Variants in PHF20 observed in about 807,000 individuals in gnomAD.
PHF20 encodes glioma-expressed antigen 2.
A neutral mutation model predicts 113.5 loss-of-function variants in PHF20; 23 were observed. That is an observed-to-expected ratio of 0.20 (90% CI 0.15 to 0.29). The LOEUF is 0.29. Among genes scored for constraint, PHF20 ranks in the 10% least tolerant of loss-of-function variants. PHF20 has a pLI of 1.00. For missense variants in PHF20, 943 were observed against 1,219.6 expected, an observed-to-expected ratio of 0.77 and a Z score of 3.38; for synonymous variants, 434 against 457.3, an observed-to-expected ratio of 0.95 and a Z score of 0.65.
chr20:35,913,737 C>G (rs1248187558), intron 11 of PHF20, among the ~76,000 whole-genome samples: 1 of 152,196 alleles, frequency 6.6e-6, no homozygotes, highest in Non-Finnish European at 1.5e-5. Context: ...CTAGCCCTCA[C>G]AAAAATGTTT....
At chr20:35,900,199 A>G (rs537208045) in intron 10 of PHF20, among the ~76,000 whole-genome samples, 1 of 152,358 alleles carries the variant, frequency 6.6e-6, no homozygotes, top group African/African-American at 2.4e-5. Flanking sequence ...ACCTTTTAGG[A>G]AATATCTTCT....
intron 6 of PHF20, 80 bp downstream of exon 6, chr20:35,863,480 G>A: frequency 7.4e-7 from 1 of 1,345,548 alleles, no homozygotes; most frequent in Non-Finnish European, 1.0e-6. Flanking sequence ...TGTAACTTGT[G>A]TACGTCAATC....
chr20:35,885,572 C>T (rs1161829155), intron 9 of PHF20, among the ~76,000 whole-genome samples: 2 of 144,738 alleles, frequency 1.4e-5, no homozygotes, highest in African/African-American at 5.2e-5. Context: ...TATGATATCC[C>T]TCAATTTGGG....
At chr20:35,822,732 G>A (rs2042191360) in intron 2 of PHF20, among the ~76,000 whole-genome samples, 1 of 151,358 alleles carries the variant, frequency 6.6e-6, no homozygotes, top group African/African-American at 2.4e-5. Flanking sequence ...TAGCTACTTG[G>A]GAGGCTGAGG....
At position 35,947,792 on chromosome 20, in the gene PHF20, G is replaced by A; in HGVS notation, c.*165G>A. On this transcript the variant is annotated 3_prime_UTR_variant, in exon 18 of 18. Coordinates refer to ENST00000374012, the MANE Select transcript of PHF20 (RefSeq NM_016436.5). ...GACATTGGACAAAGAGGCCATTTTG[G>A]CTGCGGGAGGACACTCTGATCTCGA... The A allele has an allele frequency of 1.5e-6, 1 of 659,096 alleles. No individual in the cohort carries two copies. Among genetic ancestry groups the A allele is most frequent in the Non-Finnish European group, 2.5e-6 (1 of 394,560 alleles). 40.8% of individuals were successfully genotyped at this position (659,096 alleles called of 1,614,324 possible).
chr20:35,794,135 T>C (rs2041620015), intron 1 of PHF20, among the ~76,000 whole-genome samples: 1 of 151,766 alleles, frequency 6.6e-6, no homozygotes, highest in African/African-American at 2.4e-5. Context: ...ACCCCTTCTC[T>C]GCTAAAAATA....
chr20:35,804,665 C>T (rs2035280625), intron 2 of PHF20, among the ~76,000 whole-genome samples: 1 of 152,030 alleles, frequency 6.6e-6, no homozygotes, highest in Non-Finnish European at 1.5e-5. Context: ...AGCCACCGCT[C>T]CTGGCCCGTT....
chr20:35,772,077 G>C lies in PHF20; in HGVS notation c.-35G>C, dbSNP rs1279251634. On this transcript the variant is annotated splice_region_variant and 5_prime_UTR_variant, in exon 1 of 18. Transcript: ENST00000374012. ...AGCGGCGCAGCCGGAGTGGGGCCGT[G>C]AGGTGAGCTCGCGGCCAGGCGAAGC... 6.6e-6 allele frequency: 1 copy of C among 151,330 alleles called. No individual in the cohort carries two copies. The highest frequency in any genetic ancestry group is 1.5e-5 in the Non-Finnish European group (1 of 67,758). The allele number at this position is 151,330 out of a possible 1,614,324, so 9.4% of individuals were successfully genotyped here.
intron 10 of PHF20, among the ~76,000 whole-genome samples, chr20:35,905,114 C>T (rs1019118402): frequency 6.6e-6 from 1 of 152,118 alleles, no homozygotes; most frequent in Non-Finnish European, 1.5e-5. Context: ...GATGAGCCAC[C>T]GTGCCTGGCT....
intron 4 of PHF20, 55 bp downstream of exon 4, chr20:35,847,489 A>T (rs2042645020): frequency 9.6e-7 from 1 of 1,046,444 alleles, no homozygotes; most frequent in South Asian, 1.3e-5. Flanking sequence ...GTGGGGGGGG[A>T]TGTTTGTAAT....
At chr20:35,847,476 G>T (rs1324633161) in intron 4 of PHF20, 42 bp downstream of exon 4, 3 of 1,218,200 alleles carry the variant, frequency 2.5e-6, no homozygotes, top group South Asian at 2.5e-5. Context: ...CATGACTTAG[G>T]TGGTGGGGGG....
At chr20:35,946,491 G>T (rs1218361768) in intron 17 of PHF20, among the ~76,000 whole-genome samples, 1 of 151,910 alleles carries the variant, frequency 6.6e-6, no homozygotes, top group African/African-American at 2.4e-5. Context: ...AGAGTATTCT[G>T]TGCCACTGAT....
intron 9 of PHF20, among the ~76,000 whole-genome samples, chr20:35,877,470 G>C (rs2054551714): frequency 6.9e-6 from 1 of 145,214 alleles, no homozygotes. Context: ...TTTTATTTTT[G>C]AGACAGTCTC....
intron 2 of PHF20, among the ~76,000 whole-genome samples, chr20:35,805,846 C>G (rs1187255706): frequency 6.6e-6 from 1 of 151,486 alleles, no homozygotes; most frequent in Admixed American, 6.6e-5. Context: ...GCATTATACT[C>G]TGGTATTTTT....
At chr20:35,869,345 T>G in intron 6 of PHF20, 93 bp from the exon 7 acceptor site, 1 of 572,602 alleles carries the variant, frequency 1.7e-6, no homozygotes, top group African/African-American at 1.9e-5. Context: ...GATTTCTGCA[T>G]ATATATATGT....
At chr20:35,841,285 G>C (rs898987464) in intron 2 of PHF20, among the ~76,000 whole-genome samples, 1 of 152,116 alleles carries the variant, frequency 6.6e-6, no homozygotes, top group Non-Finnish European at 1.5e-5. Flanking sequence ...GGAGGTTGCA[G>C]TGAGCCGAGA....
At chr20:35,922,172 C>A (rs772677257) in intron 13 of PHF20, among the ~76,000 whole-genome samples, 2 of 152,192 alleles carry the variant, frequency 1.3e-5, no homozygotes, top group African/African-American at 2.4e-5. Context: ...AGCTTCTTGG[C>A]TTTTGTTCCA....
chr20:35,825,736 C>T lies in PHF20; in HGVS notation c.84-16837C>T, dbSNP rs114080645. On this transcript the variant is annotated intron_variant, in intron 2 of 17. Transcript: ENST00000374012. Reference sequence around the variant, plus strand: ...CGAGTGCCATGAAATACACTACAGCCTTCAATTCTTTGGCTCAAGCAGCTC... The same window carrying T: ...CGAGTGCCATGAAATACACTACAGCTTTCAATTCTTTGGCTCAAGCAGCTC... 9.7e-3 allele frequency among the ~76,000 whole-genome samples: 1,474 copies of T among 152,164 alleles called. 17 individuals are homozygous for T. The highest frequency in any genetic ancestry group is 0.04 in the East Asian group (206 of 5,162).
rs556169898 is a variant in PHF20 at position 35,802,376 on chromosome 20, G to T, written c.83+771G>T. Among the ~76,000 whole-genome samples, 148 of 150,796 alleles carry T rather than the reference G, an allele frequency of 9.8e-4. 1 individual carries two copies. The South Asian group carries it at 0.03, about 30-fold the overall frequency. ...GTTTTTTTTTTTTAGACAGAGATTC[G>T]CTCTGTCACCCAGGCAGATCTTGGC... On this transcript the variant is annotated intron_variant, in intron 2 of 17. Coordinates refer to ENST00000374012, the MANE Select transcript of PHF20 (RefSeq NM_016436.5).
Sources: gnomAD v4.1 joint callset for allele counts (sites outside exome capture counted in the v4.1 genomes callset) on GRCh38, gnomAD v4.1.1 for gene constraint, MANE v1.5 for transcripts, NCBI Gene and HGNC (gene_info 2026-07-23, HGNC 2026-07-21) for gene names.